Variants in DDX10 observed in about 807,000 individuals in gnomAD.
The protein encoded by DDX10 is probable ATP-dependent RNA helicase DDX10.
DDX10 carries 74 observed loss-of-function variants against 104.3 expected under a neutral mutation model. That is an observed-to-expected ratio of 0.71 (90% CI 0.59 to 0.86). The LOEUF (loss-of-function observed/expected upper bound fraction) is 0.86, where lower values mean the gene tolerates loss of function less well. Ranked by LOEUF, DDX10 falls within the 40% of genes least tolerant of loss-of-function variation. DDX10 has a pLI of 0.00. For synonymous variants in DDX10, 351 were observed against 353.4 expected, an observed-to-expected ratio of 0.99 and a Z score of 0.08; for missense variants, 952 against 1,040.0, an observed-to-expected ratio of 0.92 and a Z score of 1.16.
chr11:108,757,755 T>C (rs1047082745), intron 13 of DDX10, among the ~76,000 whole-genome samples: 2 of 152,054 alleles, frequency 1.3e-5, no homozygotes. Context: ...TTTCTCCCAG[T>C]ACTTGTTTTC....
intron 13 of DDX10, among the ~76,000 whole-genome samples, chr11:108,822,091 C>A (rs1040428778): frequency 6.6e-6 from 1 of 152,156 alleles, no homozygotes; most frequent in African/African-American, 2.4e-5. Context: ...CGAATCATAT[C>A]TTTAGAAGGA....
intron 16 of DDX10, among the ~76,000 whole-genome samples, chr11:108,903,896 T>C (rs1480262859): frequency 1.3e-5 from 2 of 152,164 alleles, no homozygotes; most frequent in African/African-American, 4.8e-5. Context: ...TATGTGCAGG[T>C]TTTTCTGTGG....
intron 16 of DDX10, among the ~76,000 whole-genome samples, chr11:108,880,401 TGGGAGTTGGGGGACA>T (rs1863212000): frequency 6.6e-6 from 1 of 152,122 alleles, no homozygotes; most frequent in Non-Finnish European, 1.5e-5. Flanking sequence ...AATTTGGTGG[TGGGAGTTGGGGGACA>T]GAAAATTTAA....
At chr11:108,711,513 A>G (rs1360147455) in intron 10 of DDX10, among the ~76,000 whole-genome samples, 5 of 152,076 alleles carry the variant, frequency 3.3e-5, no homozygotes, top group Non-Finnish European at 7.4e-5. Context: ...TTGTATTTTT[A>G]GTAGACGTGG....
intron 13 of DDX10, among the ~76,000 whole-genome samples, chr11:108,771,760 G>C (rs2094363468): frequency 6.6e-6 from 1 of 152,168 alleles, no homozygotes; most frequent in Non-Finnish European, 1.5e-5. Flanking sequence ...GCTTTAATTG[G>C]TAAAGAAGTT....
At chr11:108,762,609 G>A (rs1173824005) in intron 13 of DDX10, among the ~76,000 whole-genome samples, 1 of 152,138 alleles carries the variant, frequency 6.6e-6, no homozygotes, top group African/African-American at 2.4e-5. Flanking sequence ...GGTCCTATGA[G>A]ACAGAGGTTC....
chr11:108,750,096 A>T (rs188879481), intron 13 of DDX10, among the ~76,000 whole-genome samples: 1 of 152,274 alleles, frequency 6.6e-6, no homozygotes, highest in East Asian at 1.9e-4. Flanking sequence ...GCAAGGAAAA[A>T]AATGAATGTT....
At chr11:108,733,358 A>G (rs186820749) in intron 13 of DDX10, among the ~76,000 whole-genome samples, 6 of 152,244 alleles carry the variant, frequency 3.9e-5, no homozygotes, top group Admixed American at 3.9e-4. Context: ...GGACTGTGTT[A>G]GGTACTTAGT....
chr11:108,827,203 A>C (rs900077074), intron 13 of DDX10, among the ~76,000 whole-genome samples: 1 of 152,228 alleles, frequency 6.6e-6, no homozygotes, highest in Non-Finnish European at 1.5e-5. Context: ...ATCATTATTG[A>C]ATATTTCCTA....
intron 13 of DDX10, among the ~76,000 whole-genome samples, chr11:108,802,751 CT>C (rs1862039698): frequency 6.6e-6 from 1 of 152,192 alleles, no homozygotes; most frequent in African/African-American, 2.4e-5. Context: ...AAAATCCCCC[CT>C]CCCTCCTATT....
At chr11:108,714,730 T>TG (rs2094289111) in intron 10 of DDX10, among the ~76,000 whole-genome samples, 1 of 149,458 alleles carries the variant, frequency 6.7e-6, no homozygotes. Flanking sequence ...TCAGCATCAG[T>TG]GGGATCCATC....
intron 13 of DDX10, among the ~76,000 whole-genome samples, chr11:108,787,659 G>T (rs539392671): frequency 5.4e-4 from 82 of 152,202 alleles, no homozygotes; most frequent in African/African-American, 1.8e-3. Context: ...GGGGCTGGGT[G>T]CGATGGCTCA....
chr11:108,811,453 AC>A (rs1457440010), intron 13 of DDX10, among the ~76,000 whole-genome samples: 1 of 152,204 alleles, frequency 6.6e-6, no homozygotes, highest in African/African-American at 2.4e-5. Context: ...TCCTCTCTGA[AC>A]TTTCTGTCAT....
At chr11:108,826,766 A>AC (rs1275556280) in intron 13 of DDX10, among the ~76,000 whole-genome samples, 2 of 152,170 alleles carry the variant, frequency 1.3e-5, no homozygotes, top group East Asian at 3.9e-4. Context: ...TCTGGGTCCA[A>AC]CCTCATTGAG....
At chr11:108,911,551 C>T (rs968087478) in intron 16 of DDX10, among the ~76,000 whole-genome samples, 1 of 117,662 alleles carries the variant, frequency 8.5e-6, no homozygotes, top group African/African-American at 3.1e-5. Flanking sequence ...GCTTTGCCTC[C>T]TCTTCTTTTT....
chr11:108,770,516 A>G (rs1419503588), intron 13 of DDX10, among the ~76,000 whole-genome samples: 2 of 27,844 alleles, frequency 7.2e-5, no homozygotes, highest in African/African-American at 1.4e-4. Flanking sequence ...ACCAACCCCC[A>G]CTACCCTTCC....
At chr11:108,703,665 A>G (rs1273831078) in intron 9 of DDX10, among the ~76,000 whole-genome samples, 1 of 151,890 alleles carries the variant, frequency 6.6e-6, no homozygotes, top group East Asian at 1.9e-4. Flanking sequence ...TATTTCTTAT[A>G]TGTTTAGCCT....
At chr11:108,754,408 C>G (rs7110657) in intron 13 of DDX10, among the ~76,000 whole-genome samples, 1 of 151,846 alleles carries the variant, frequency 6.6e-6, no homozygotes, top group Non-Finnish European at 1.5e-5. Context: ...CTGCCATAAT[C>G]GAGTTTTCAG....
At chr11:108,812,636 T>G (rs1862199069) in intron 13 of DDX10, among the ~76,000 whole-genome samples, 1 of 152,078 alleles carries the variant, frequency 6.6e-6, no homozygotes, top group African/African-American at 2.4e-5. Context: ...TAGCATGTGC[T>G]AAAAGATGTA....
Sources: allele counts gnomAD v4.1 joint callset (sites outside exome capture counted in the v4.1 genomes callset), GRCh38; gene constraint gnomAD v4.1.1; transcripts MANE v1.5; gene names NCBI Gene and HGNC (gene_info 2026-07-23, HGNC 2026-07-21).